ANXA7: variants seen among roughly 807,000 people sequenced by gnomAD.
ANXA7 encodes annexin VII.
In ANXA7, 55 loss-of-function variants were observed where a neutral mutation model predicts 64.9. The observed-to-expected ratio is 0.85, with a 90% confidence interval of 0.68 to 1.06. The LOEUF is 1.06. ANXA7 is among the 50% of genes least tolerant of loss of function. The pLI, the probability that ANXA7 is intolerant of heterozygous loss-of-function variation, is 0.00. For synonymous variants in ANXA7, 200 were observed against 192.4 expected (o/e 1.04, Z -0.33); for missense variants, 548 against 582.1 (o/e 0.94, Z 0.60).
intron 12 of ANXA7, among the ~76,000 whole-genome samples, chr10:73,376,573 A>G (rs2055174392): frequency 6.6e-6 from 1 of 152,244 alleles, no homozygotes; most frequent in Non-Finnish European, 1.5e-5. Context: ...GGAAAAGTAA[A>G]AGGGTGCAGC....
At chr10:73,388,937 C>T (rs1589652230) in intron 5 of ANXA7, among the ~76,000 whole-genome samples, 1 of 152,098 alleles carries the variant, frequency 6.6e-6, no homozygotes, top group South Asian at 2.1e-4. Context: ...TGCCATTTAG[C>T]AAATACTATG....
At chr10:73,378,630 A>G (rs1178384212) in intron 12 of ANXA7, among the ~76,000 whole-genome samples, 1 of 152,178 alleles carries the variant, frequency 6.6e-6, no homozygotes, top group Non-Finnish European at 1.5e-5. Flanking sequence ...CGAAAGACAA[A>G]TGTCTAACTT....
At chr10:73,410,838 A>G (rs1037531848) in intron 1 of ANXA7, among the ~76,000 whole-genome samples, 3 of 152,136 alleles carry the variant, frequency 2.0e-5, no homozygotes, top group African/African-American at 7.2e-5. Context: ...ATGTGGGGAA[A>G]AGAGACCGCT....
chr10:73,396,235 G>C (rs1351449660), intron 5 of ANXA7: 20 of 676,444 alleles, frequency 3.0e-5, no homozygotes, highest in Non-Finnish European at 4.9e-5. Flanking sequence ...GTAAGGGCAA[G>C]GAAGAGGAAA....
At chr10:73,407,964 C>CT in intron 1 of ANXA7, among the ~76,000 whole-genome samples, 2 of 152,060 alleles carry the variant, frequency 1.3e-5, no homozygotes, top group Admixed American at 1.3e-4. Context: ...AATTTTTTTG[C>CT]TTTTTTCTTT....
intron 7 of ANXA7, 102 bp downstream of exon 7, chr10:73,387,587 C>G (rs2055395870): frequency 1.1e-6 from 1 of 908,420 alleles, no homozygotes; most frequent in Non-Finnish European, 1.8e-6. Context: ...AGTTGTCCCT[C>G]TTTTGCACCA....
intron 7 of ANXA7, 37 bp downstream of exon 7, chr10:73,387,652 C>A: frequency 6.9e-7 from 1 of 1,458,724 alleles, no homozygotes; most frequent in Non-Finnish European, 9.6e-7. Flanking sequence ...AGTCTACCAG[C>A]CACTGCTGGT....
At position 73,387,685 on chromosome 10, in the gene ANXA7, A is replaced by G. The variant is rs762348365; in HGVS notation, c.633+4T>C. 3.8e-5 allele frequency: 62 copies of G among 1,611,842 alleles called. No homozygotes were observed. The highest frequency in any genetic ancestry group is 5.3e-5 in the Non-Finnish European group (62 of 1,178,082). On this transcript the variant is annotated splice_donor_region_variant and intron_variant, in intron 7 of 12. Transcript: ENST00000372921. ...GGTGCTCATTCCAGGAAAGAAAAAC[A>G]TACCTTGCCATAGGAGGTCTTAAAT... is the stretch of plus-strand genomic sequence containing the variant.
intron 5 of ANXA7, among the ~76,000 whole-genome samples, chr10:73,390,693 A>AATATATATATAT (rs142703167): frequency 7.1e-5 from 9 of 127,472 alleles, no homozygotes; most frequent in South Asian, 2.4e-4. Flanking sequence ...TCTTTTGTAA[A>AATATATATATAT]ATATATATAT....
At chr10:73,383,977 C>T (rs569166839) in intron 7 of ANXA7, among the ~76,000 whole-genome samples, 39 of 151,850 alleles carry the variant, frequency 2.6e-4, no homozygotes, top group African/African-American at 8.7e-4. Context: ...AAAAATTAAC[C>T]GGGAGTGGTG....
In ANXA7 at chr10:73,387,798, CAT is replaced by C. The variant is rs746166388; in HGVS notation, c.539-17_539-16del. On this transcript the variant is annotated splice_polypyrimidine_tract_variant and intron_variant, in intron 6 of 12. Coordinates refer to ENST00000372921, the MANE Select transcript of ANXA7 (RefSeq NM_001156.5). ...CTCATCTGTCCCTGGAAGAACCACA[CAT>C]GTTTAAGTAAGGACAAAGTACATGC... 43 of 1,573,864 alleles carry C rather than the reference CAT, an allele frequency of 2.7e-5. No individual in the cohort carries two copies. In the Middle Eastern group the frequency reaches 1.2e-3, roughly 43 times the overall value.
chr10:73,394,879 A>T (rs541322329), intron 5 of ANXA7, among the ~76,000 whole-genome samples: 6 of 152,224 alleles, frequency 3.9e-5, no homozygotes, highest in Non-Finnish European at 7.4e-5. Flanking sequence ...AAATAAAAAT[A>T]AGTTGCATAA....
intron 5 of ANXA7, chr10:73,396,041 C>T (rs763511659): frequency 6.4e-6 from 10 of 1,566,736 alleles, no homozygotes; most frequent in Non-Finnish European, 8.8e-6. Flanking sequence ...AAACCTTACT[C>T]ACTTCACTGC....
chr10:73,397,289 A>G lies in ANXA7; in HGVS notation c.260-15T>C. On this transcript the variant is annotated splice_polypyrimidine_tract_variant and intron_variant, in intron 3 of 12. Coordinates refer to ENST00000372921, the MANE Select transcript of ANXA7 (RefSeq NM_001156.5). Reference sequence around the variant, plus strand: ...GCCTGGAGGAACTAGAGAAAAGAACATGTCAATAAACTATAGTACAGTTCT... The same window carrying G: ...GCCTGGAGGAACTAGAGAAAAGAACGTGTCAATAAACTATAGTACAGTTCT... 6.5e-7 allele frequency: 1 copy of G among 1,541,954 alleles called. No individual in the cohort carries two copies. Among genetic ancestry groups the G allele is most frequent in the East Asian group, 2.2e-5 (1 of 44,506 alleles).
chr10:73,396,581 C>T lies in ANXA7; in HGVS notation c.373G>A (p.Gly125Ser). The T allele has an allele frequency of 2.5e-6, 4 of 1,602,970 alleles. No individual in the cohort carries two copies. In the South Asian group the frequency reaches 4.4e-5, roughly 18 times the overall value. The change falls in exon 5 of 13, where the codon GGC (glycine) becomes AGC (serine). Residue 125 changes from glycine (G) to serine (S), a missense_variant and splice_region_variant. Transcript: ENST00000372921. ...GGPAQVPLPG[G>S]FPGGQMPSQY... is the part of the protein sequence containing the mutation. ...GAAGGCATCTGTCCTCCAGGAAAGC[C>T]ACCTATAATGTTAAAAAAAATAATA... is the stretch of plus-strand genomic sequence containing the variant.
intron 5 of ANXA7, among the ~76,000 whole-genome samples, chr10:73,394,154 C>A (rs1264811328): frequency 6.6e-6 from 1 of 152,174 alleles, no homozygotes; most frequent in Non-Finnish European, 1.5e-5. Context: ...ATCAAAACCA[C>A]AATGAGATAT....
chr10:73,376,890 T>G (rs1349189111), intron 12 of ANXA7, among the ~76,000 whole-genome samples: 2 of 152,212 alleles, frequency 1.3e-5, no homozygotes, highest in African/African-American at 2.4e-5. Flanking sequence ...GACGCTATGC[T>G]AAGTAAAAGA....
At chr10:73,401,410 C>T (rs2055663176) in intron 1 of ANXA7, among the ~76,000 whole-genome samples, 1 of 152,166 alleles carries the variant, frequency 6.6e-6, no homozygotes, top group African/African-American at 2.4e-5. Context: ...GGAGTCAGTA[C>T]AGCCTAGAAA....
intron 1 of ANXA7, among the ~76,000 whole-genome samples, chr10:73,404,987 G>A (rs1360734204): frequency 6.6e-6 from 1 of 151,700 alleles, no homozygotes; most frequent in African/African-American, 2.4e-5. Context: ...GGTGGCTCAC[G>A]CCTGTAATCC....
Sources: gnomAD v4.1 joint callset for allele counts (sites outside exome capture counted in the v4.1 genomes callset) on GRCh38, gnomAD v4.1.1 for gene constraint, MANE v1.5 for transcripts, NCBI Gene and HGNC (gene_info 2026-07-23, HGNC 2026-07-21) for gene names.